Variants in SPRYD3 observed in about 807,000 individuals in gnomAD.
SPRYD3 encodes the protein SPRY domain containing 3, also known as SPRY domain-containing protein 3.
Under a neutral mutation model 50.1 loss-of-function variants are expected in SPRYD3, and 17 were observed. The observed-to-expected ratio is 0.34, with a 90% confidence interval of 0.23 to 0.51. The LOEUF (loss-of-function observed/expected upper bound fraction) is 0.51, where lower values mean the gene tolerates loss of function less well. SPRYD3 is among the 20% of genes least tolerant of loss of function. The pLI is 0.97. For synonymous variants in SPRYD3, 198 were observed against 215.5 expected (o/e 0.92, Z 0.71); for missense variants, 401 against 591.2 (o/e 0.68, Z 3.34).
chr12:53,076,828 A>T (rs1303324737), intron 2 of SPRYD3, among the ~76,000 whole-genome samples: 1 of 152,174 alleles, frequency 6.6e-6, no homozygotes, highest in Non-Finnish European at 1.5e-5. Context: ...GCACGCCTGT[A>T]ATCCCAGCTA....
intron 6 of SPRYD3, among the ~76,000 whole-genome samples, chr12:53,069,171 G>C (rs1944531646): frequency 6.6e-6 from 1 of 152,066 alleles, no homozygotes; most frequent in Non-Finnish European, 1.5e-5. Context: ...CATGGTAATA[G>C]TGGGGTGATG....
chr12:53,072,794 CT>C (rs1944558787), intron 6 of SPRYD3, among the ~76,000 whole-genome samples: 1 of 152,236 alleles, frequency 6.6e-6, no homozygotes, highest in South Asian at 2.1e-4. Flanking sequence ...TTCTAATCCT[CT>C]ATCAAATGCA....
intron 2 of SPRYD3, 112 bp downstream of exon 2, chr12:53,077,003 G>T: frequency 9.9e-7 from 1 of 1,012,902 alleles, no homozygotes. Context: ...GCCCTTCCCT[G>T]TGCAGTGCAC....
chr12:53,066,356 A>G lies in SPRYD3; in HGVS notation c.1152T>C (p.Asp384=). The G allele has an allele frequency of 6.2e-7, 1 of 1,613,348 alleles. No homozygotes were observed. Among genetic ancestry groups the G allele is most frequent in the Non-Finnish European group, 8.5e-7 (1 of 1,179,522 alleles). ...EEEEEEEEEE[D]GEEIEPEHEG... Reference sequence around the variant, plus strand: ...CATGCTCCGGCTCTATCTCTTCCCCATCCTCTTCCTCTTCCTCTTCCTCCT... The same window carrying G: ...CATGCTCCGGCTCTATCTCTTCCCCGTCCTCTTCCTCTTCCTCTTCCTCCT... Residue 384 remains aspartate (D), a synonymous_variant, in exon 10 of 11, where the codon GAT becomes GAC. Coordinates refer to ENST00000301463, the MANE Select transcript of SPRYD3 (RefSeq NM_032840.3).
At chr12:53,076,080 C>A (rs1269661179) in intron 2 of SPRYD3, among the ~76,000 whole-genome samples, 1 of 152,210 alleles carries the variant, frequency 6.6e-6, no homozygotes, top group Non-Finnish European at 1.5e-5. Context: ...TAGAGCCTCC[C>A]TTACTTGCCT....
At position 53,073,444 on chromosome 12, in the gene SPRYD3, G is replaced by GCAT; in HGVS notation, c.534_535insATG (p.Ser178_Pro179insMet). ...CCCACTGCTGGGAACAGTCCATCTG[G>GCAT]GGACATGGGCATGATGGTAGAGCCC... On this transcript the variant is annotated inframe_insertion, in exon 6 of 11. Coordinates refer to ENST00000301463, the MANE Select transcript of SPRYD3 (RefSeq NM_032840.3). The GCAT allele has an allele frequency of 6.4e-7, 1 of 1,562,392 alleles. No homozygotes were observed. The highest frequency in any genetic ancestry group is 8.7e-7 in the Non-Finnish European group (1 of 1,151,492).
Position 53,077,162 on chromosome 12 carries a change from T to A in SPRYD3, c.123A>T (p.Arg41=). The change falls in exon 2 of 11, where the codon CGA becomes CGT. Residue 41 remains arginine, a synonymous_variant. Transcript: ENST00000301463. ...GGATATGTTTGAACCTCTCCTGATA[T>A]CGGAAAGCTCGGACCTCTCGAATCT... ...IREIREVRAF[R]YQERFKHILV... 1.2e-6 allele frequency: 2 copies of A among 1,614,176 alleles called. No homozygotes were observed. The highest frequency in any genetic ancestry group is 8.5e-7 in the Non-Finnish European group (1 of 1,180,028).
rs1415622948 is a variant in SPRYD3 at position 53,066,485 on chromosome 12, C to T, written c.1023G>A (p.Gly341=). 6.2e-6 allele frequency: 10 copies of T among 1,614,070 alleles called. No homozygotes were observed. In the East Asian group the frequency reaches 2.0e-4, roughly 32 times the overall value. The change falls in exon 10 of 11, where the codon GGG becomes GGA. Residue 341 remains glycine, a splice_region_variant and synonymous_variant. Transcript: ENST00000301463. ...CTGTGTCACAACTGTCATCACTGTC[C>T]CCTAGGAGACCAGGAAACCTGAGCT... is the stretch of plus-strand genomic sequence containing the variant. ...FPRDYILDSE[G]DSDDSCDTVI...
rs1565616594 is a variant in SPRYD3, at chr12:53,066,588, T to C, written c.1006A>G (p.Ile336Val). 9.9e-6 allele frequency: 16 copies of C among 1,613,772 alleles called. No individual in the cohort carries two copies. The highest frequency in any genetic ancestry group is 1.3e-5 in the Non-Finnish European group (15 of 1,179,912). Reference sequence around the variant, plus strand: ...CCCCACTCACCCTCACTGTCCAAAATGTAGTCCCGGGGGAACATGATTCCA... The same window carrying C: ...CCCCACTCACCCTCACTGTCCAAAACGTAGTCCCGGGGGAACATGATTCCA... ...GCGIMFPRDY[I>V]LDSEGDSDDS... is the part of the protein sequence containing the mutation. The change falls in exon 9 of 11, where the codon ATT (isoleucine) becomes GTT (valine). Residue 336 changes from isoleucine (I) to valine (V), a missense_variant. Coordinates refer to ENST00000301463, the MANE Select transcript of SPRYD3 (RefSeq NM_032840.3).
At chr12:53,065,991 T>C (rs1038631467) in intron 10 of SPRYD3, 25 bp from the exon 11 acceptor site, 3 of 1,606,542 alleles carry the variant, frequency 1.9e-6, no homozygotes, top group Non-Finnish European at 2.6e-6. Flanking sequence ...GGGAGAAGAA[T>C]GGAGCAAGCA....
chr12:53,071,960 G>T (rs1177602723), intron 6 of SPRYD3, among the ~76,000 whole-genome samples: 1 of 152,108 alleles, frequency 6.6e-6, no homozygotes, highest in Non-Finnish European at 1.5e-5. Context: ...GGGGGAGGGT[G>T]GGGAGGAAGG....
Position 53,065,977 on chromosome 12 carries a change from G to A in SPRYD3, c.1195-11C>T, listed in dbSNP as rs1944501237. 1.9e-6 allele frequency: 3 copies of A among 1,610,638 alleles called. No individual in the cohort carries two copies. The highest frequency in any genetic ancestry group is 1.7e-6 in the Non-Finnish European group (2 of 1,177,504). Reference sequence around the variant, plus strand: ...CCGAGTGAAGAAAACCTGGGGAGGAGGTGGGGAGAAGAATGGAGCAAGCAG... The same window carrying A: ...CCGAGTGAAGAAAACCTGGGGAGGAAGTGGGGAGAAGAATGGAGCAAGCAG... On this transcript the variant is annotated splice_polypyrimidine_tract_variant and intron_variant, in intron 10 of 10. Transcript: ENST00000301463.
chr12:53,072,925 G>T (rs1215240714), intron 6 of SPRYD3, among the ~76,000 whole-genome samples: 1 of 152,166 alleles, frequency 6.6e-6, no homozygotes, highest in African/African-American at 2.4e-5. Flanking sequence ...GAAAAGCCTG[G>T]GCCAGGCATT....
intron 3 of SPRYD3, 120 bp from the exon 4 acceptor site, chr12:53,075,339 G>A (rs1944580870): frequency 9.5e-7 from 1 of 1,054,000 alleles, no homozygotes; most frequent in Admixed American, 2.5e-5. Context: ...AAAGGACATG[G>A]GAATCAGGAA....
chr12:53,068,001 C>T (rs1331003986), intron 7 of SPRYD3, among the ~76,000 whole-genome samples, 154 bp downstream of exon 7: 6 of 152,130 alleles, frequency 3.9e-5, no homozygotes, highest in Non-Finnish European at 8.8e-5. Context: ...TACTCTTACA[C>T]AGCAGACACA....
intron 8 of SPRYD3, 103 bp from the exon 9 acceptor site, chr12:53,066,795 G>T: frequency 7.0e-7 from 1 of 1,421,434 alleles, no homozygotes; most frequent in South Asian, 1.4e-5. Flanking sequence ...CTCAGAGGAA[G>T]GGAAGGGTCA....
chr12:53,066,430 G>A lies in SPRYD3; in HGVS notation c.1078C>T (p.Arg360Trp), dbSNP rs747328029. The A allele has an allele frequency of 9.3e-6, 15 of 1,613,890 alleles. No individual in the cohort carries two copies. The highest frequency in any genetic ancestry group is 6.7e-5 in the Admixed American group (4 of 59,990). ...VILSPTARAV[R>W]NVRNVMYLHQ... is the part of the protein sequence containing the mutation. The stretch of plus-strand genomic sequence containing the variant: ...AGGTACATGACATTCCGCACGTTCC[G>A]GACGGCCCGGGCAGTCGGAGACAGG... The change falls in exon 10 of 11, where the codon CGG (arginine) becomes TGG (tryptophan). Residue 360 changes from arginine to tryptophan, a missense_variant. Arg to Trp is a moderately radical substitution (Grantham distance 101). Transcript: ENST00000301463.
chr12:53,072,167 A>G (rs1383474407), intron 6 of SPRYD3, among the ~76,000 whole-genome samples: 3 of 152,140 alleles, frequency 2.0e-5, no homozygotes, highest in Admixed American at 6.5e-5. Context: ...TGTCAGAATG[A>G]TGGTAGATTG....
intron 6 of SPRYD3, 37 bp downstream of exon 6, chr12:53,073,249 C>A: frequency 1.6e-6 from 1 of 627,712 alleles, no homozygotes; most frequent in South Asian, 1.8e-5. Context: ...CAGCCTCCTC[C>A]GACCCAGCCC....
Sources: allele counts gnomAD v4.1 joint callset (sites outside exome capture counted in the v4.1 genomes callset), GRCh38; gene constraint gnomAD v4.1.1; transcripts MANE v1.5; gene names NCBI Gene and HGNC (gene_info 2026-07-23, HGNC 2026-07-21).